Variants in MXI1 observed in about 807,000 individuals in gnomAD.
The protein encoded by MXI1 is MAX interactor 1, dimerization protein, also known as max-interacting protein 1.
A neutral mutation model predicts 36.9 loss-of-function variants in MXI1; 18 were observed. The observed-to-expected ratio is 0.49, with a 90% confidence interval of 0.34 to 0.72. MXI1 has a LOEUF of 0.72. Among genes scored for constraint, MXI1 ranks in the 30% least tolerant of loss-of-function variants. The pLI, the probability that MXI1 is intolerant of heterozygous loss-of-function variation, is 0.01. For synonymous variants in MXI1, 160 were observed against 146.7 expected (o/e 1.09, Z -0.65); for missense variants, 304 against 379.1 (o/e 0.80, Z 1.64).
At chr10:110,229,148 C>T (rs1458890583) in intron 2 of MXI1, among the ~76,000 whole-genome samples, 1 of 152,190 alleles carries the variant, frequency 6.6e-6, no homozygotes, top group African/African-American at 2.4e-5. Context: ...TGTTTTTATT[C>T]TAGGGAGCCA....
At chr10:110,283,394 G>A (rs1857328340) in intron 5 of MXI1, among the ~76,000 whole-genome samples, 1 of 151,866 alleles carries the variant, frequency 6.6e-6, no homozygotes, top group Admixed American at 6.6e-5. Context: ...CTCCCAAGTA[G>A]CTGGGACTAT....
chr10:110,215,043 GT>G (rs200181611), intron 1 of MXI1, among the ~76,000 whole-genome samples: 6,875 of 78,416 alleles, frequency 0.088, 102 homozygotes, highest in Middle Eastern at 0.19. Flanking sequence ...TTTTTTTTTT[GT>G]TTTTTTTTTT....
At chr10:110,263,260 TAGTG>T (rs1030246692) in intron 3 of MXI1, among the ~76,000 whole-genome samples, 1 of 152,178 alleles carries the variant, frequency 6.6e-6, no homozygotes, top group African/African-American at 2.4e-5. Flanking sequence ...GGAAGGCACA[TAGTG>T]AGATATTTGC....
rs1361309764 is a variant in MXI1 at position 110,209,952 on chromosome 10, T to C, written c.274+1870T>C. Among the ~76,000 whole-genome samples, 39 of 112,084 alleles carry C rather than the reference T, an allele frequency of 3.5e-4. 1 individual carries two copies. The Admixed American group carries it at 4.8e-3, about 14-fold the overall frequency. 73.5% of individuals were successfully genotyped at this position (112,084 alleles called of 152,430 possible). On this transcript the variant is annotated intron_variant, in intron 1 of 5. Transcript: ENST00000332674. ...CAGCCACCCCCCCTCACCAGCGAGGTGTATGGAGGAGGCGGTCGGAGATTC... is the reference window on the plus strand; with the variant it reads ...CAGCCACCCCCCCTCACCAGCGAGGCGTATGGAGGAGGCGGTCGGAGATTC...
chr10:110,208,114 G>C (rs533786002), intron 1 of MXI1, 32 bp downstream of exon 1: 3 of 1,558,794 alleles, frequency 1.9e-6, no homozygotes, highest in Non-Finnish European at 2.6e-6. Context: ...CTTCCTCGGC[G>C]CCCGGTTCTT....
At chr10:110,279,674 T>C (rs949330015) in intron 4 of MXI1, among the ~76,000 whole-genome samples, 3 of 152,248 alleles carry the variant, frequency 2.0e-5, no homozygotes, top group African/African-American at 4.8e-5. Context: ...TAGAAGTCCA[T>C]CTTGTTCAAG....
At chr10:110,226,464 G>A (rs1266050139) in intron 1 of MXI1, 2 of 328,190 alleles carry the variant, frequency 6.1e-6, no homozygotes, top group African/African-American at 6.5e-5. Context: ...GGAGGGGCGT[G>A]TGGGGAGGGG....
rs1857426307 is a variant in MXI1 at position 110,286,424 on chromosome 10, C to T, written c.*1437C>T. On this transcript the variant is annotated 3_prime_UTR_variant, in exon 6 of 6. Coordinates refer to ENST00000332674, the MANE Select transcript of MXI1 (RefSeq NM_130439.3). ...CCTCTCCCTTACCCTGGGAAGGCCT[C>T]TTGGAGACCTTACCCCTGGCTGTTT... 6.6e-6 allele frequency: 1 copy of T among 150,640 alleles called. No homozygotes were observed. The highest frequency in any genetic ancestry group is 1.5e-5 in the Non-Finnish European group (1 of 67,844). 9.3% of individuals were successfully genotyped at this position (150,640 alleles called of 1,614,324 possible).
intron 5 of MXI1, among the ~76,000 whole-genome samples, chr10:110,282,365 GTT>G (rs1857284431): frequency 6.6e-6 from 1 of 151,966 alleles, no homozygotes; most frequent in Non-Finnish European, 1.5e-5. Context: ...TTGTTTTTCT[GTT>G]TTGTTATTTT....
chr10:110,261,814 C>T (rs1856522934), intron 3 of MXI1, among the ~76,000 whole-genome samples: 1 of 151,944 alleles, frequency 6.6e-6, no homozygotes, highest in South Asian at 2.1e-4. Flanking sequence ...CTATATACTC[C>T]CCCTGCCTTG....
At chr10:110,280,122 C>T (rs1458588551) in intron 5 of MXI1, 37 bp downstream of exon 5, 1 of 1,523,476 alleles carries the variant, frequency 6.6e-7, no homozygotes, top group Non-Finnish European at 8.8e-7. Flanking sequence ...AAATACTAAA[C>T]ATCTCTGTAT....
chr10:110,219,049 C>T (rs1170759396), intron 1 of MXI1, among the ~76,000 whole-genome samples: 1 of 152,220 alleles, frequency 6.6e-6, no homozygotes, highest in East Asian at 1.9e-4. Flanking sequence ...CCTGTAATCC[C>T]AGCACTTTGG....
intron 3 of MXI1, among the ~76,000 whole-genome samples, chr10:110,268,938 T>C (rs1300893739): frequency 6.6e-6 from 1 of 152,206 alleles, no homozygotes; most frequent in Non-Finnish European, 1.5e-5. Flanking sequence ...GCTTCAGTTA[T>C]TAACAACAAC....
intron 3 of MXI1, among the ~76,000 whole-genome samples, chr10:110,249,680 A>G (rs1039046028): frequency 6.6e-6 from 1 of 152,178 alleles, no homozygotes; most frequent in South Asian, 2.1e-4. Flanking sequence ...TGAAAAAGAA[A>G]TGGAAGAAAA....
intron 3 of MXI1, among the ~76,000 whole-genome samples, chr10:110,246,004 A>G (rs948329396): frequency 2.0e-5 from 3 of 152,228 alleles, no homozygotes; most frequent in African/African-American, 7.2e-5. Flanking sequence ...TAAGAGTAAA[A>G]TACTTTCTTT....
chr10:110,213,946 G>A (rs568852968), intron 1 of MXI1, among the ~76,000 whole-genome samples: 4 of 152,308 alleles, frequency 2.6e-5, no homozygotes, highest in African/African-American at 9.6e-5. Context: ...TTCCAAGTAT[G>A]GGGCTATGCA....
At chr10:110,241,022 C>A (rs1290204137) in intron 2 of MXI1, among the ~76,000 whole-genome samples, 1 of 151,844 alleles carries the variant, frequency 6.6e-6, no homozygotes, top group Non-Finnish European at 1.5e-5. Context: ...TCTTTGACTG[C>A]CACCAAACTA....
Position 110,286,953 on chromosome 10 carries a change from G to A in MXI1, c.*1966G>A, listed in dbSNP as rs1230696387. ...TTGTGGCCCAGGTAAATTATTTCTGGTTTCACTTATAATTACTAATGGCTG... is the reference window on the plus strand; with the variant it reads ...TTGTGGCCCAGGTAAATTATTTCTGATTTCACTTATAATTACTAATGGCTG... On this transcript the variant is annotated 3_prime_UTR_variant, in exon 6 of 6. Coordinates refer to ENST00000332674, the MANE Select transcript of MXI1 (RefSeq NM_130439.3). 6.6e-6 allele frequency: 1 copy of A among 152,158 alleles called. No individual in the cohort carries two copies. The highest frequency in any genetic ancestry group is 1.5e-5 in the Non-Finnish European group (1 of 68,032). 9.4% of individuals were successfully genotyped at this position (152,158 alleles called of 1,614,324 possible).
At position 110,284,905 on chromosome 10, in the gene MXI1, T is replaced by G; in HGVS notation, c.806T>G (p.Ile269Ser). The change falls in exon 6 of 6, where the codon ATT becomes AGT. Residue 269 changes from isoleucine to serine, a missense_variant. Transcript: ENST00000332674. ...ATAAGTACCACCAGCATCAGTGACA[T>G]TGATGACCACAGCAGCCTGCCGAGT... Reference protein sequence around the residue: ...DNISTTSISDIDDHSSLPSIG... With the variant: ...DNISTTSISDSDDHSSLPSIG... The G allele has an allele frequency of 1.2e-6, 2 of 1,613,816 alleles. No homozygotes were observed. Among genetic ancestry groups the G allele is most frequent in the South Asian group, 1.1e-5 (1 of 91,076 alleles).
Sources: allele counts gnomAD v4.1 joint callset (sites outside exome capture counted in the v4.1 genomes callset), GRCh38; gene constraint gnomAD v4.1.1; transcripts MANE v1.5; gene names NCBI Gene and HGNC (gene_info 2026-07-23, HGNC 2026-07-21).